Variants in MGAM observed in about 807,000 individuals in gnomAD.
MGAM encodes the protein maltase-glucoamylase.
A neutral mutation model predicts 358.8 loss-of-function variants in MGAM; 253 were observed. The ratio of observed to expected loss-of-function variants is 0.71; its 90% confidence interval spans 0.64 to 0.78. MGAM has a LOEUF of 0.78. Among genes scored for constraint, MGAM ranks in the 30% least tolerant of loss-of-function variants. MGAM has a pLI of 0.00. For missense variants in MGAM, 3,080 were observed against 3,432.6 expected, an observed-to-expected ratio of 0.90 and a Z score of 2.57; for synonymous variants, 1,105 against 1,227.1, an observed-to-expected ratio of 0.90 and a Z score of 2.08.
At chr7:141,994,736 T>A (rs1804108348), upstream of MGAM, among the ~76,000 whole-genome samples, 1 of 152,134 alleles carries the variant, frequency 6.6e-6, no homozygotes, top group African/African-American at 2.4e-5. Flanking sequence ...GTGGGTGAGT[T>A]CTCATGAGAT....
intron 16 of MGAM, among the ~76,000 whole-genome samples, chr7:142,035,262 G>T (rs1807881119): frequency 6.6e-6 from 1 of 152,120 alleles, no homozygotes; most frequent in Admixed American, 6.6e-5. Flanking sequence ...CTCCTAGAGT[G>T]TTCAAGGTCT....
intron 12 of MGAM, 59 bp downstream of exon 12, chr7:142,030,816 G>T (rs1807417430): frequency 1.0e-6 from 1 of 970,702 alleles, no homozygotes. Flanking sequence ...GTTTGAATGT[G>T]TCTGTGTGTG....
intron 12 of MGAM, 69 bp from the exon 13 acceptor site, chr7:142,031,611 C>T: frequency 9.1e-7 from 1 of 1,096,938 alleles, no homozygotes; most frequent in Non-Finnish European, 1.4e-6. Context: ...AATTTCTTTG[C>T]AAAGTACTTT....
At position 142,020,830 on chromosome 7, in the gene MGAM, G is replaced by T; in HGVS notation, c.449-144G>T. 4 of 634,418 alleles carry T rather than the reference G, an allele frequency of 6.3e-6. No individual in the cohort carries two copies. The South Asian group carries it at 7.0e-5, about 11-fold the overall frequency. The allele number at this position is 634,418 out of a possible 1,614,324, so 39.3% of individuals were successfully genotyped here. ...GCTGGTCTCGAATTCCTGACCTTGT[G>T]ATCCACCTGCCTTGGCCTCCCAAAG... On this transcript the variant is annotated intron_variant, in intron 4 of 70. Transcript: ENST00000475668.
chr7:142,063,826 A>G (rs1312148698), intron 36 of MGAM, among the ~76,000 whole-genome samples: 11 of 152,212 alleles, frequency 7.2e-5, no homozygotes. Flanking sequence ...AGCTCATGGC[A>G]CAAAGGGTTC....
chr7:142,045,524 A>G (rs1324373759), intron 21 of MGAM, among the ~76,000 whole-genome samples: 1 of 100,384 alleles, frequency 1.0e-5, no homozygotes, highest in Non-Finnish European at 1.7e-5. Flanking sequence ...CATATAATAT[A>G]TGATATAATA....
chr7:142,077,051 G>A (rs1245022200), intron 47 of MGAM, among the ~76,000 whole-genome samples: 1 of 145,236 alleles, frequency 6.9e-6, no homozygotes, highest in African/African-American at 2.4e-5. Flanking sequence ...CTGCCTATCA[G>A]TGTTCCCATC....
At chr7:142,096,155 A>T in intron 64 of MGAM, 176 bp from the exon 65 acceptor site, 2 of 653,174 alleles carry the variant, frequency 3.1e-6, no homozygotes, top group Non-Finnish European at 2.7e-6. Context: ...TTTGAGGCAC[A>T]TCCCATGGGG....
rs1386204631 is a variant in MGAM, at chr7:142,081,811, T to G, written c.6003-231T>G. On this transcript the variant is annotated intron_variant, in intron 50 of 70. Transcript: ENST00000475668. ...GTGAGGGGAGCTTGTATTTGTATTG[T>G]AGAGGACCACTGAAAGGAGGCAGTG... Among the ~76,000 whole-genome samples, 4 of 145,482 alleles carry G rather than the reference T, an allele frequency of 2.7e-5. 1 individual carries two copies. Among genetic ancestry groups the G allele is most frequent in the Non-Finnish European group, 6.2e-5 (4 of 64,202 alleles).
chr7:141,999,569 C>T (rs145537539), intron 1 of MGAM, among the ~76,000 whole-genome samples: 2 of 152,130 alleles, frequency 1.3e-5, no homozygotes, highest in African/African-American at 2.4e-5. Context: ...AACTTGCAGT[C>T]GTTATAAAAA....
chr7:142,102,004 G>A (rs1211892270), intron 68 of MGAM, among the ~76,000 whole-genome samples: 1 of 152,132 alleles, frequency 6.6e-6, no homozygotes, highest in East Asian at 1.9e-4. Flanking sequence ...AGGGCAGGGT[G>A]TAGGATGGGA....
Position 142,034,780 on chromosome 7 carries a change from G to A in MGAM, c.1898G>A (p.Trp633Ter). ...AHWLGDNTAT[W>*]DDLRWSIPGV... ...TGGTTAGGAGACAACACTGCCACCTGGGATGACCTGAGATGGTCCATCCCT... is the reference window on the plus strand; with the variant it reads ...TGGTTAGGAGACAACACTGCCACCTAGGATGACCTGAGATGGTCCATCCCT... The change falls in exon 16 of 71, where the codon TGG (tryptophan) becomes TAG (stop). Residue 633 changes from tryptophan (W) to a stop codon, truncating the protein, a stop_gained. Coordinates refer to ENST00000475668, the MANE Select transcript of MGAM (RefSeq NM_001365693.1). LOFTEE classifies it high-confidence loss of function. 6.2e-7 allele frequency: 1 copy of A among 1,613,484 alleles called. No homozygotes were observed. Among genetic ancestry groups the A allele is most frequent in the Non-Finnish European group, 8.5e-7 (1 of 1,179,582 alleles).
intron 10 of MGAM, among the ~76,000 whole-genome samples, chr7:142,028,416 C>T (rs1202847448): frequency 1.3e-5 from 2 of 152,108 alleles, no homozygotes; most frequent in African/African-American, 4.8e-5. Flanking sequence ...GCTAGAACAA[C>T]CATGAGCCAT....
intron 2 of MGAM, among the ~76,000 whole-genome samples, chr7:142,007,325 G>A (rs1272989809): frequency 6.6e-6 from 1 of 151,934 alleles, no homozygotes; most frequent in African/African-American, 2.4e-5. Flanking sequence ...ATCCTCAAAA[G>A]GAGCTGGATT....
chr7:141,998,175 A>G (rs781893183), intron 1 of MGAM, among the ~76,000 whole-genome samples: 4 of 152,224 alleles, frequency 2.6e-5, no homozygotes, highest in Non-Finnish European at 4.4e-5. Flanking sequence ...ACAATTATTC[A>G]TATACTAAAT....
intron 65 of MGAM, among the ~76,000 whole-genome samples, chr7:142,096,666 A>G (rs1815942243): frequency 6.6e-6 from 1 of 152,224 alleles, no homozygotes. Flanking sequence ...GGTATATTCA[A>G]TGACACAATC....
chr7:142,032,760 AC>A (rs1807619328), intron 13 of MGAM, 64 bp from the exon 14 acceptor site: 2 of 924,770 alleles, frequency 2.2e-6, no homozygotes. Flanking sequence ...AAAAAAAGAC[AC>A]CATCACGACA....
rs561932269 is a variant in MGAM, at chr7:142,065,831, G to A, written c.4770G>A (p.Arg1590=). The stretch of plus-strand genomic sequence containing the variant: ...GAAACCACAATACCATTGGGACCAG[G>A]GTAGGACAGTGGCTTCTACCTCCAC... ...FSRNHNTIGT[R]RQDPVSWDAA... is the part of the protein sequence containing the mutation. Residue 1590 remains arginine, a splice_region_variant and synonymous_variant, in exon 40 of 71, where the codon AGG becomes AGA. Transcript: ENST00000475668. 1.3e-6 allele frequency: 2 copies of A among 1,548,846 alleles called. No individual in the cohort carries two copies. Among genetic ancestry groups the A allele is most frequent in the Admixed American group, 1.7e-5 (1 of 58,072 alleles).
At chr7:142,061,865 C>T (rs899117797) in intron 34 of MGAM, among the ~76,000 whole-genome samples, 12 of 152,176 alleles carry the variant, frequency 7.9e-5, no homozygotes, top group African/African-American at 2.7e-4. Context: ...ATATAAATAT[C>T]ACTCAGAAGG....
Sources: allele counts gnomAD v4.1 joint callset (sites outside exome capture counted in the v4.1 genomes callset), GRCh38; gene constraint gnomAD v4.1.1; transcripts MANE v1.5; gene names NCBI Gene and HGNC (gene_info 2026-07-23, HGNC 2026-07-21).